Variants in TNPO1 observed in about 807,000 individuals in gnomAD.
TNPO1 encodes transportin-1.
Under a neutral mutation model 119.5 loss-of-function variants are expected in TNPO1, and 8 were observed. That is an observed-to-expected ratio of 0.07 (90% CI 0.04 to 0.12). The LOEUF is 0.12. Among genes scored for constraint, TNPO1 ranks in the 10% least tolerant of loss-of-function variants. TNPO1 has a pLI of 1.00. For missense variants in TNPO1, 576 were observed against 1,089.8 expected (o/e 0.53, Z 6.64); for synonymous variants, 362 against 363.0 (o/e 1.00, Z 0.03).
At chr5:72,850,494 T>C (rs1418027083) in intron 2 of TNPO1, among the ~76,000 whole-genome samples, 1 of 152,222 alleles carries the variant, frequency 6.6e-6, no homozygotes, top group Non-Finnish European at 1.5e-5. Flanking sequence ...TTTAGATTTG[T>C]TGGGTGACAA....
At chr5:72,904,490 G>A (rs982438397) in intron 23 of TNPO1, among the ~76,000 whole-genome samples, 1 of 152,060 alleles carries the variant, frequency 6.6e-6, no homozygotes, top group African/African-American at 2.4e-5. Flanking sequence ...CCATATTCAC[G>A]CTGCTGATAA....
chr5:72,886,994 A>C (rs1748700900), intron 11 of TNPO1, 76 bp from the exon 12 acceptor site: 2 of 1,301,760 alleles, frequency 1.5e-6, no homozygotes, highest in East Asian at 2.8e-5. Flanking sequence ...ATACGAATAA[A>C]ATGTTACATA....
At chr5:72,886,793 G>A (rs569238768) in intron 11 of TNPO1, among the ~76,000 whole-genome samples, 1 of 148,308 alleles carries the variant, frequency 6.7e-6, no homozygotes, top group African/African-American at 2.5e-5. Context: ...GGGGGCTAAA[G>A]CGGGAGAATC....
At chr5:72,844,646 C>T (rs1007856470) in intron 1 of TNPO1, among the ~76,000 whole-genome samples, 5 of 152,170 alleles carry the variant, frequency 3.3e-5, no homozygotes, top group African/African-American at 1.2e-4. Context: ...TGCCAGGGAC[C>T]TATGATCTGC....
chr5:72,866,565 G>A (rs897114331), intron 6 of TNPO1, among the ~76,000 whole-genome samples: 7 of 151,986 alleles, frequency 4.6e-5, no homozygotes, highest in African/African-American at 1.7e-4. Flanking sequence ...ACTAGCCTGG[G>A]CAACGTGATG....
chr5:72,863,013 TG>T lies in TNPO1; in HGVS notation c.462+1100del, dbSNP rs1255640729. ...GTTTTTGTGTGTGTGTGTGTGTGTG[TG>T]TGTGTGTGTGTGGTTTTTTTTGTTG... On this transcript the variant is annotated intron_variant, in intron 5 of 24. Coordinates refer to ENST00000337273, the MANE Select transcript of TNPO1 (RefSeq NM_002270.4). 8.7e-3 allele frequency among the ~76,000 whole-genome samples: 1,314 copies of T among 151,366 alleles called. 54 individuals carry two copies. In the East Asian group the frequency reaches 0.14, roughly 17 times the overall value.
At chr5:72,819,459 GTAGGAATAT>G (rs1247742715) in intron 1 of TNPO1, among the ~76,000 whole-genome samples, 2 of 152,330 alleles carry the variant, frequency 1.3e-5, no homozygotes, top group East Asian at 3.9e-4. Flanking sequence ...GCTGTAGTAA[GTAGGAATAT>G]TAGAGTTCTA....
At chr5:72,890,895 C>G (rs1185672172) in intron 14 of TNPO1, among the ~76,000 whole-genome samples, 2 of 152,052 alleles carry the variant, frequency 1.3e-5, no homozygotes, top group Admixed American at 6.5e-5. Context: ...ACTCTGTCAC[C>G]TAGGCTAGAG....
At chr5:72,865,830 AG>A in intron 6 of TNPO1, 101 bp downstream of exon 6, 1 of 1,247,964 alleles carries the variant, frequency 8.0e-7, no homozygotes, top group South Asian at 1.5e-5. Context: ...AAAGATCAAA[AG>A]ATATTGGATG....
intron 5 of TNPO1, among the ~76,000 whole-genome samples, chr5:72,863,952 A>G (rs894184316): frequency 6.6e-6 from 1 of 152,212 alleles, no homozygotes; most frequent in Non-Finnish European, 1.5e-5. Flanking sequence ...GAGCTAGTGT[A>G]CTACATAGAA....
rs565672058 is a variant in TNPO1 at position 72,890,023 on chromosome 5, A to G, written c.1701+66A>G. Reference sequence around the variant, plus strand: ...GCATAGTTACAATTAATAGATTAGCATATATTTGGAAATTAAGATGTTTTG... The same window carrying G: ...GCATAGTTACAATTAATAGATTAGCGTATATTTGGAAATTAAGATGTTTTG... On this transcript the variant is annotated intron_variant, in intron 14 of 24. Coordinates refer to ENST00000337273, the MANE Select transcript of TNPO1 (RefSeq NM_002270.4). The G allele has an allele frequency of 2.3e-4, 353 of 1,537,512 alleles. 2 individuals carry two copies. The African/African-American group carries it at 4.5e-3, about 19-fold the overall frequency.
At chr5:72,828,514 C>T (rs1303281475) in intron 1 of TNPO1, among the ~76,000 whole-genome samples, 1 of 152,162 alleles carries the variant, frequency 6.6e-6, no homozygotes, top group Non-Finnish European at 1.5e-5. Context: ...GCTGTCTCTA[C>T]ACACACATAC....
intron 5 of TNPO1, among the ~76,000 whole-genome samples, chr5:72,863,343 A>C (rs1302079321): frequency 2.0e-5 from 3 of 152,134 alleles, no homozygotes; most frequent in Non-Finnish European, 4.4e-5. Flanking sequence ...ACTATCCGCC[A>C]TGGTGGCTCA....
intron 3 of TNPO1, among the ~76,000 whole-genome samples, chr5:72,853,284 T>G (rs554218733): frequency 1.3e-5 from 2 of 152,256 alleles, no homozygotes; most frequent in East Asian, 3.9e-4. Flanking sequence ...AAACTCCATC[T>G]CTGTAAAAAT....
Position 72,902,747 on chromosome 5 carries a change from T to C in TNPO1, c.2515-962T>C, listed in dbSNP as rs559328710. Among the ~76,000 whole-genome samples the C allele has an allele frequency of 1.5e-3, 225 of 152,294 alleles. 1 individual carries two copies. Among genetic ancestry groups the C allele is most frequent in the Non-Finnish European group, 2.5e-3 (170 of 67,990 alleles). On this transcript the variant is annotated intron_variant, in intron 22 of 24. Coordinates refer to ENST00000337273, the MANE Select transcript of TNPO1 (RefSeq NM_002270.4). ...TTATAACTTTTATTCACATACCTTA[T>C]TTTGGATATGGTTAAAATAAAATGT...
intron 1 of TNPO1, among the ~76,000 whole-genome samples, chr5:72,841,177 A>G (rs1038104585): frequency 6.7e-6 from 1 of 149,538 alleles, no homozygotes; most frequent in Non-Finnish European, 1.5e-5. Flanking sequence ...CTGGAGTGCA[A>G]TGGCACAATC....
chr5:72,901,600 G>A (rs1427051133), intron 22 of TNPO1, among the ~76,000 whole-genome samples: 1 of 152,054 alleles, frequency 6.6e-6, no homozygotes, highest in Non-Finnish European at 1.5e-5. Context: ...TAATTATTCG[G>A]CAGTAGTATT....
intron 1 of TNPO1, 32 bp from the exon 2 acceptor site, chr5:72,848,353 C>T (rs1369727779): frequency 1.4e-5 from 22 of 1,597,982 alleles, no homozygotes; most frequent in Non-Finnish European, 1.9e-5. Context: ...AACAGTTGCT[C>T]CGTCTCTTCC....
intron 4 of TNPO1, among the ~76,000 whole-genome samples, chr5:72,858,630 G>A (rs1580406542): frequency 6.6e-6 from 1 of 152,296 alleles, no homozygotes; most frequent in Non-Finnish European, 1.5e-5. Flanking sequence ...GAGGTCAGGA[G>A]ATCGAAACCA....
Sources: allele counts gnomAD v4.1 joint callset (sites outside exome capture counted in the v4.1 genomes callset), GRCh38; gene constraint gnomAD v4.1.1; transcripts MANE v1.5; gene names NCBI Gene and HGNC (gene_info 2026-07-23, HGNC 2026-07-21).